The following MFN1 variants were observed in gnomAD, a reference collection of about 807,000 sequenced individuals.
MFN1 encodes the protein mitofusin-1.
MFN1 carries 65 observed loss-of-function variants against 92.4 expected under a neutral mutation model. The ratio of observed to expected loss-of-function variants is 0.70; its 90% CI spans 0.58 to 0.86. MFN1 has a LOEUF of 0.86. Among genes scored for constraint, MFN1 ranks in the 40% least tolerant of loss-of-function variants. MFN1 has a pLI of 0.00. For synonymous variants in MFN1, 297 were observed against 300.9 expected, an observed-to-expected ratio of 0.99 and a Z score of 0.13; for missense variants, 781 against 868.0, an observed-to-expected ratio of 0.90 and a Z score of 1.26.
At chr3:179,353,945 C>T (rs1167604990) in intron 3 of MFN1, among the ~76,000 whole-genome samples, 1 of 152,244 alleles carries the variant, frequency 6.6e-6, no homozygotes, top group Non-Finnish European at 1.5e-5. Flanking sequence ...ACCACCCTAT[C>T]TAAATTATTC....
rs925867065 is a variant in MFN1, at chr3:179,393,292, A to C, written c.*1233A>C. 6.6e-5 allele frequency: 10 copies of C among 152,326 alleles called. No homozygotes were observed. The highest frequency in any genetic ancestry group is 1.9e-4 in the African/African-American group (8 of 41,580). 9.4% of individuals were successfully genotyped at this position (152,326 alleles called of 1,614,324 possible). The stretch of plus-strand genomic sequence containing the variant: ...CACCATTCTAGGAATTTGCTAGACA[A>C]AATGTAGGACTACCAGATCAGTATC... On this transcript the variant is annotated 3_prime_UTR_variant, in exon 18 of 18. Coordinates refer to ENST00000471841, the MANE Select transcript of MFN1 (RefSeq NM_033540.3).
chr3:179,379,680 G>A (rs1216660838), intron 14 of MFN1, among the ~76,000 whole-genome samples: 1 of 152,142 alleles, frequency 6.6e-6, no homozygotes, highest in Non-Finnish European at 1.5e-5. Context: ...AAGGCCTACA[G>A]ATACCCTTGT....
intron 2 of MFN1, among the ~76,000 whole-genome samples, chr3:179,351,687 CTG>C (rs1712152567): frequency 6.6e-6 from 1 of 152,196 alleles, no homozygotes; most frequent in African/African-American, 2.4e-5. Flanking sequence ...CCACTTTTGA[CTG>C]TGCCCTTGCA....
intron 12 of MFN1, 48 bp from the exon 13 acceptor site, chr3:179,378,293 C>T (rs375227318): frequency 1.5e-6 from 2 of 1,344,230 alleles, no homozygotes; most frequent in South Asian, 1.3e-5. Flanking sequence ...ATAAAAACTA[C>T]ATACTTTCTG....
At chr3:179,351,730 G>A (rs564083942) in intron 2 of MFN1, among the ~76,000 whole-genome samples, 170 bp from the exon 3 acceptor site, 3 of 152,154 alleles carry the variant, frequency 2.0e-5, no homozygotes, top group African/African-American at 4.8e-5. Context: ...TCTTTTGGGC[G>A]GGATTCTTGT....
Position 179,375,310 on chromosome 3 carries a change from G to T in MFN1, c.1066G>T (p.Asp356Tyr), listed in dbSNP as rs757306285. The change falls in exon 10 of 18, where the codon GAT (aspartate) becomes TAT (tyrosine). Residue 356 changes from aspartate to tyrosine, a missense_variant. Transcript: ENST00000471841. Reference sequence around the variant, plus strand: ...ACTAGCTACTGTGAAAAACATAATGGATTCAGTAAACCTGGCAGCTGAAGA... The same window carrying T: ...ACTAGCTACTGTGAAAAACATAATGTATTCAGTAAACCTGGCAGCTGAAGA... ...QILATVKNIM[D>Y]SVNLAAEDKR... 2 of 1,613,606 alleles carry T rather than the reference G, an allele frequency of 1.2e-6. No individual in the cohort carries two copies. The highest frequency in any genetic ancestry group is 3.3e-5 in the Admixed American group (2 of 59,862).
At chr3:179,378,110 G>C (rs1713316350) in intron 12 of MFN1, 2 of 493,670 alleles carry the variant, frequency 4.1e-6, no homozygotes, top group East Asian at 7.2e-5. Context: ...TATAGTCCCA[G>C]TTACTCAGGA....
intron 9 of MFN1, among the ~76,000 whole-genome samples, chr3:179,374,270 T>C (rs754331282): frequency 2.7e-4 from 40 of 148,048 alleles, no homozygotes; most frequent in Non-Finnish European, 4.9e-4. Context: ...GCCATTGCAC[T>C]CCAGCCTTGG....
In MFN1 at chr3:179,348,956, T is replaced by C. The variant is rs1216780605; in HGVS notation, c.105T>C (p.Phe35=). 8.8e-6 allele frequency: 14 copies of C among 1,585,240 alleles called. No homozygotes were observed. The highest frequency in any genetic ancestry group is 1.2e-5 in the Non-Finnish European group (14 of 1,157,888). ...LLEFVTEGSH[F]VEATYKNPEL... ...AGTTTGTTACTGAAGGATCACATTT[T>C]GTTGAAGGTTAGTTCTTCTTAAGTT... Residue 35 remains phenylalanine (F), a synonymous_variant, in exon 2 of 18, where the codon TTT becomes TTC. Transcript: ENST00000471841.
chr3:179,378,853 A>C, intron 14 of MFN1, 39 bp downstream of exon 14: 1 of 1,457,122 alleles, frequency 6.9e-7, no homozygotes, highest in Non-Finnish European at 9.5e-7. Flanking sequence ...ACTCTCCTTT[A>C]TTATTTTGTT....
chr3:179,368,357 G>A (rs1307027126), intron 9 of MFN1, among the ~76,000 whole-genome samples: 5 of 152,104 alleles, frequency 3.3e-5, no homozygotes, highest in Non-Finnish European at 5.9e-5. Flanking sequence ...AAGAAACTGT[G>A]TTTCAATATT....
At chr3:179,382,855 C>G (rs1435926644) in intron 14 of MFN1, among the ~76,000 whole-genome samples, 1 of 152,188 alleles carries the variant, frequency 6.6e-6, no homozygotes, top group Non-Finnish European at 1.5e-5. Flanking sequence ...TGTCTATTGG[C>G]TGCATAAATG....
chr3:179,371,092 T>G (rs1713006765), intron 9 of MFN1, among the ~76,000 whole-genome samples: 1 of 152,242 alleles, frequency 6.6e-6, no homozygotes, highest in South Asian at 2.1e-4. Context: ...CTTTATCAAT[T>G]TGACCTGTGC....
At chr3:179,375,130 A>T in intron 9 of MFN1, 90 bp from the exon 10 acceptor site, 1 of 1,349,026 alleles carries the variant, frequency 7.4e-7, no homozygotes, top group Non-Finnish European at 9.8e-7. Flanking sequence ...TGTTTGGGTT[A>T]AAGTTACAAA....
intron 16 of MFN1, among the ~76,000 whole-genome samples, chr3:179,386,904 A>G (rs1450802799): frequency 9.9e-5 from 15 of 152,040 alleles, no homozygotes; most frequent in Non-Finnish European, 1.5e-5. Flanking sequence ...GGAGGGGTTT[A>G]AAAAGATAGT....
chr3:179,387,484 T>G (rs1713729378), intron 16 of MFN1, among the ~76,000 whole-genome samples: 1 of 151,884 alleles, frequency 6.6e-6, no homozygotes, highest in Non-Finnish European at 1.5e-5. Context: ...AGGCAGAGGT[T>G]GTAGTGAGCC....
chr3:179,378,895 A>G (rs1338823457), intron 14 of MFN1, 81 bp downstream of exon 14: 11 of 1,078,728 alleles, frequency 1.0e-5, no homozygotes, highest in Non-Finnish European at 1.5e-5. Flanking sequence ...AACTAGCTTT[A>G]CAAAATCTGC....
At chr3:179,388,198 T>C (rs2108560318) in intron 16 of MFN1, among the ~76,000 whole-genome samples, 1 of 152,304 alleles carries the variant, frequency 6.6e-6, no homozygotes, top group African/African-American at 2.4e-5. Context: ...CAGATCTTTG[T>C]GGTTTCTTAA....
At chr3:179,386,378 A>G in intron 15 of MFN1, 55 bp from the exon 16 acceptor site, 1 of 1,401,242 alleles carries the variant, frequency 7.1e-7, no homozygotes, top group Admixed American at 2.1e-5. Flanking sequence ...TTTTAAATGT[A>G]CTCTCCAAAG....
Sources: allele counts gnomAD v4.1 joint callset (sites outside exome capture counted in the v4.1 genomes callset), GRCh38; gene constraint gnomAD v4.1.1; transcripts MANE v1.5; gene names NCBI Gene and HGNC (gene_info 2026-07-23, HGNC 2026-07-21).